The following SEC24A variants were observed in gnomAD, a reference collection of about 807,000 sequenced individuals.
The protein encoded by SEC24A is protein transport protein Sec24A.
A neutral mutation model predicts 129.4 loss-of-function variants in SEC24A; 93 were observed. The ratio of observed to expected loss-of-function variants is 0.72; its 90% CI spans 0.61 to 0.85. The LOEUF is 0.85. Ranked by LOEUF, SEC24A falls within the 40% of genes least tolerant of loss-of-function variation. The pLI, the probability that SEC24A is intolerant of heterozygous loss-of-function variation, is 0.00. For missense variants in SEC24A, 1,264 were observed against 1,307.4 expected, an observed-to-expected ratio of 0.97 and a Z score of 0.51; for synonymous variants, 460 against 467.3, an observed-to-expected ratio of 0.98 and a Z score of 0.20.
chr5:134,703,092 G>T (rs1427038762), intron 15 of SEC24A, among the ~76,000 whole-genome samples: 2 of 151,840 alleles, frequency 1.3e-5, no homozygotes, highest in Non-Finnish European at 2.9e-5. Flanking sequence ...CCCATTGAAG[G>T]TATTTCTAAA....
At chr5:134,689,319 C>A (rs955493989) in intron 11 of SEC24A, among the ~76,000 whole-genome samples, 1 of 152,102 alleles carries the variant, frequency 6.6e-6, no homozygotes, top group Middle Eastern at 3.2e-3. Flanking sequence ...TTCCACCGTT[C>A]AATATATACT....
intron 1 of SEC24A, among the ~76,000 whole-genome samples, chr5:134,654,724 T>G (rs564829592): frequency 2.2e-4 from 33 of 151,948 alleles, no homozygotes; most frequent in South Asian, 1.5e-3. Context: ...TTTTGTTTTG[T>G]TTTGGTTTTT....
chr5:134,711,440 G>A (rs1444433126), intron 18 of SEC24A, among the ~76,000 whole-genome samples: 2 of 152,146 alleles, frequency 1.3e-5, no homozygotes, highest in African/African-American at 2.4e-5. Context: ...CACCTTGGGA[G>A]GCAAAGGCGG....
At chr5:134,697,619 G>A (rs904305629) in intron 14 of SEC24A, among the ~76,000 whole-genome samples, 1 of 152,058 alleles carries the variant, frequency 6.6e-6, no homozygotes, top group African/African-American at 2.4e-5. Flanking sequence ...AGCCAGACAT[G>A]GTGGCGCACA....
chr5:134,704,316 C>T (rs1193153309), intron 16 of SEC24A, among the ~76,000 whole-genome samples: 2 of 152,252 alleles, frequency 1.3e-5, no homozygotes, highest in Non-Finnish European at 2.9e-5. Flanking sequence ...GATCTGCCCG[C>T]CTCTGCCTCC....
chr5:134,649,222 CT>C, intron 1 of SEC24A, 49 bp downstream of exon 1: 1 of 1,336,704 alleles, frequency 7.5e-7, no homozygotes, highest in Non-Finnish European at 1.0e-6. Flanking sequence ...GCTGACTGAC[CT>C]TTGCGTGCCA....
intron 19 of SEC24A, 61 bp downstream of exon 19, chr5:134,715,222 G>A (rs1346825783): frequency 2.2e-6 from 3 of 1,336,018 alleles, no homozygotes; most frequent in Non-Finnish European, 3.1e-6. Context: ...TCATAGTCCA[G>A]TACAGAAATG....
rs139803405 is a variant in SEC24A, at chr5:134,681,192, G to A, written c.1382-1181G>A. ...GTGGGTGGATCACCTAAGGTCAGGA[G>A]TTTGAGACCAGCCTGGCCAATGTAG... On this transcript the variant is annotated intron_variant, in intron 8 of 22. Coordinates refer to ENST00000398844, the MANE Select transcript of SEC24A (RefSeq NM_021982.3). 9.0e-3 allele frequency among the ~76,000 whole-genome samples: 1,361 copies of A among 151,214 alleles called. 17 individuals are homozygous for A. Among genetic ancestry groups the A allele is most frequent in the Middle Eastern group, 0.02 (6 of 294 alleles).
chr5:134,716,738 C>T (rs1752487010), intron 19 of SEC24A, among the ~76,000 whole-genome samples: 2 of 140,564 alleles, frequency 1.4e-5, no homozygotes, highest in Admixed American at 1.5e-4. Flanking sequence ...GCAAAGGTCG[C>T]AGTGAGCTGA....
rs780035035 is a variant in SEC24A, at chr5:134,686,803, A to G, written c.1505A>G (p.Gln502Arg). ...APSEYMLRPPQPPVYLFVFDV... is the reference protein window; with the variant it reads ...APSEYMLRPPRPPVYLFVFDV... ...TTTTTTCTTCAGTTACGACCACCTC[A>G]GCCTCCAGTGTATCTCTTTGTATTT... Residue 502 changes from glutamine to arginine, a missense_variant, in exon 10 of 23, where the codon CAG becomes CGG. Transcript: ENST00000398844. 2.5e-6 allele frequency: 4 copies of G among 1,597,818 alleles called. No homozygotes were observed. Among genetic ancestry groups the G allele is most frequent in the Non-Finnish European group, 2.6e-6 (3 of 1,173,184 alleles).
At chr5:134,674,535 CA>C (rs942030458) in intron 4 of SEC24A, 79 bp from the exon 5 acceptor site, 250 of 1,349,626 alleles carry the variant, frequency 1.9e-4, no homozygotes, top group South Asian at 3.4e-4. Flanking sequence ...ACCCTTTCTC[CA>C]AAAAAAATGT....
chr5:134,653,183 C>T (rs1407466809), intron 1 of SEC24A, among the ~76,000 whole-genome samples: 3 of 152,104 alleles, frequency 2.0e-5, no homozygotes, highest in African/African-American at 4.8e-5. Flanking sequence ...TCATGATCCT[C>T]CTGCCTCAGC....
intron 3 of SEC24A, among the ~76,000 whole-genome samples, chr5:134,668,401 C>G (rs1402143124): frequency 6.6e-6 from 1 of 152,056 alleles, no homozygotes; most frequent in Non-Finnish European, 1.5e-5. Flanking sequence ...CCAGCCTGAC[C>G]AAGGTGGTGA....
chr5:134,704,533 G>A (rs1448942143), intron 16 of SEC24A, among the ~76,000 whole-genome samples: 2 of 152,194 alleles, frequency 1.3e-5, no homozygotes, highest in Non-Finnish European at 2.9e-5. Flanking sequence ...AGGGTCAGGT[G>A]TGGTGGTCTG....
chr5:134,692,627 C>A lies in SEC24A; in HGVS notation c.1749C>A (p.Asn583Lys), dbSNP rs1561820456. ...ATGTTTTTATACCTATGCCAGAGAA[C>A]TTATTAGTAAACTTAAATGAAAGTA... ...IEDVFIPMPE[N>K]LLVNLNESKE... Residue 583 changes from asparagine (N) to lysine (K), a missense_variant, in exon 12 of 23, where the codon AAC (asparagine) becomes AAA (lysine). Asn to Lys is a moderately conservative substitution (Grantham distance 94). Transcript: ENST00000398844. 2.1e-6 allele frequency: 3 copies of A among 1,415,260 alleles called. No homozygotes were observed. In the African/African-American group the frequency reaches 4.3e-5, roughly 20 times the overall value. 87.7% of individuals were successfully genotyped at this position (1,415,260 alleles called of 1,614,324 possible).
intron 22 of SEC24A, among the ~76,000 whole-genome samples, chr5:134,724,607 C>T (rs1339076431): frequency 6.6e-6 from 1 of 150,662 alleles, no homozygotes; most frequent in East Asian, 1.9e-4. Context: ...AAAAAAGGCT[C>T]GGTAGAATTC....
At chr5:134,701,938 T>C (rs757196757) in intron 15 of SEC24A, among the ~76,000 whole-genome samples, 72 of 152,184 alleles carry the variant, frequency 4.7e-4, no homozygotes, top group Admixed American at 3.3e-3. Context: ...ACAGAAAAGA[T>C]AATGTACAAA....
chr5:134,673,759 C>T (rs1328443767), intron 4 of SEC24A, among the ~76,000 whole-genome samples: 2 of 152,078 alleles, frequency 1.3e-5, no homozygotes, highest in African/African-American at 2.4e-5. Flanking sequence ...CACACCCAGC[C>T]GACATGAAAG....
At chr5:134,684,695 C>T (rs910411137) in intron 9 of SEC24A, among the ~76,000 whole-genome samples, 7 of 151,292 alleles carry the variant, frequency 4.6e-5, no homozygotes, top group East Asian at 2.0e-4. Context: ...CCTGGGCAAC[C>T]GTGCGAGACT....
Sources: gnomAD v4.1 joint callset for allele counts (sites outside exome capture counted in the v4.1 genomes callset) on GRCh38, gnomAD v4.1.1 for gene constraint, MANE v1.5 for transcripts, NCBI Gene and HGNC (gene_info 2026-07-23, HGNC 2026-07-21) for gene names.